The following MTPAP variants were observed in gnomAD, a reference collection of about 807,000 sequenced individuals.
MTPAP encodes mitochondrial poly(A) polymerase.
A neutral mutation model predicts 48.7 loss-of-function variants in MTPAP; 23 were observed. That is an observed-to-expected ratio of 0.47 (90% CI 0.34 to 0.67). MTPAP has a LOEUF of 0.67. MTPAP is among the 30% of genes least tolerant of loss of function. MTPAP has a pLI of 0.01. For synonymous variants in MTPAP, 257 were observed against 254.1 expected (o/e 1.01, Z -0.11); for missense variants, 614 against 694.3 (o/e 0.88, Z 1.30).
chr10:30,334,843 G>A (rs906856485), intron 4 of MTPAP, among the ~76,000 whole-genome samples: 1 of 152,026 alleles, frequency 6.6e-6, no homozygotes, highest in Admixed American at 6.5e-5. Flanking sequence ...AAAGACTGAA[G>A]GTTAAAATAT....
At chr10:30,338,849 T>C (rs555044819) in intron 3 of MTPAP, among the ~76,000 whole-genome samples, 12 of 151,230 alleles carry the variant, frequency 7.9e-5, no homozygotes, top group South Asian at 2.1e-4. Context: ...ACAGGCCAGG[T>C]GCAGTGGCTC....
chr10:30,340,014 C>T lies in MTPAP; in HGVS notation c.555+212G>A, dbSNP rs927012309. On this transcript the variant is annotated intron_variant, in intron 3 of 8. Transcript: ENST00000263063. ...CATCTACTCAATGTGTTGAGCATGA[C>T]GACATTCTTAGAAAGCTAGAAATAG... 21 of 579,418 alleles carry T rather than the reference C, an allele frequency of 3.6e-5. 1 individual carries two copies. The highest frequency in any genetic ancestry group is 4.7e-4 in the Middle Eastern group (1 of 2,148). The allele number at this position is 579,418 out of a possible 1,614,324, so 35.9% of individuals were successfully genotyped here. A position where few individuals can be genotyped will look rare whatever the true frequency, so the allele number is the denominator to read the frequency against.
intron 1 of MTPAP, among the ~76,000 whole-genome samples, chr10:30,347,620 G>C (rs1056796493): frequency 4.6e-5 from 7 of 152,176 alleles, no homozygotes; most frequent in African/African-American, 1.7e-4. Context: ...GGCTGGGCGC[G>C]GTGGCTCACG....
Position 30,341,393 on chromosome 10 carries a change from G to A in MTPAP, c.330+75C>T. ...ACCTACCATATTGCAAAAAGCAACA[G>A]CAAAAAACAACTAATGGAGACCTCC... On this transcript the variant is annotated intron_variant, in intron 2 of 8. Coordinates refer to ENST00000263063, the MANE Select transcript of MTPAP (RefSeq NM_018109.4). The A allele has an allele frequency of 3.3e-6, 5 of 1,533,180 alleles. No individual in the cohort carries two copies. The South Asian group carries it at 6.2e-5, about 19-fold the overall frequency. The allele number at this position is 1,533,180 out of a possible 1,614,324, so 95.0% of individuals were successfully genotyped here.
chr10:30,331,919 T>C (rs1043586868), intron 4 of MTPAP, among the ~76,000 whole-genome samples: 1 of 152,220 alleles, frequency 6.6e-6, no homozygotes, highest in African/African-American at 2.4e-5. Context: ...CTATCGTGCA[T>C]GGGATATCAT....
chr10:30,330,533 A>G (rs11007990), intron 4 of MTPAP, among the ~76,000 whole-genome samples: 62,028 of 152,078 alleles, frequency 0.41, 15,653 homozygotes, highest in Middle Eastern at 0.56. Flanking sequence ...TAAATGAGAG[A>G]ATAAAATCCT....
chr10:30,327,431 G>A lies in MTPAP; in HGVS notation c.781-796C>T, dbSNP rs753748194. ...GGAGAATTACTTGAACCCAGGAGAT[G>A]GAGGTTGCAGTGAGCCAAGATCACA... On this transcript the variant is annotated intron_variant, in intron 4 of 8. Transcript: ENST00000263063. Among the ~76,000 whole-genome samples, 101 of 151,668 alleles carry A rather than the reference G, an allele frequency of 6.7e-4. 1 individual carries two copies. The highest frequency in any genetic ancestry group is 1.3e-3 in the Non-Finnish European group (86 of 67,906).
At chr10:30,330,364 A>T (rs771694445) in intron 4 of MTPAP, among the ~76,000 whole-genome samples, 3 of 152,216 alleles carry the variant, frequency 2.0e-5, no homozygotes, top group Non-Finnish European at 4.4e-5. Context: ...AAGCAAAGAC[A>T]GATTGGGGGT....
In MTPAP at chr10:30,349,198, G is replaced by A; in HGVS notation, c.78C>T (p.Ile26=). The change falls in exon 1 of 9, where the codon ATC becomes ATT. Residue 26 remains isoleucine, a synonymous_variant. Transcript: ENST00000263063. ...TTCCTGGGCAACTCAAAAGCCTGAC[G>A]ATAGGCCGCTGGACTCGAGTTCTTC... ...ARRRTRVQRP[I]VRLLSCPGTV... 6.2e-7 allele frequency: 1 copy of A among 1,606,778 alleles called. No individual in the cohort carries two copies.
chr10:30,345,808 A>C (rs1834867140), intron 1 of MTPAP, among the ~76,000 whole-genome samples: 2 of 152,170 alleles, frequency 1.3e-5, no homozygotes, highest in Non-Finnish European at 2.9e-5. Flanking sequence ...GCACTTTGGG[A>C]GGTCAGGGAG....
intron 4 of MTPAP, among the ~76,000 whole-genome samples, chr10:30,331,085 A>C (rs1341407088): frequency 6.6e-6 from 1 of 152,246 alleles, no homozygotes; most frequent in East Asian, 1.9e-4. Flanking sequence ...TCAGTACAGA[A>C]ATAAAACACT....
rs1359306849 is a variant in MTPAP, at chr10:30,312,993, TTTAA to T, written c.*612_*615del. 6.5e-6 allele frequency: 1 copy of T among 153,604 alleles called. No individual in the cohort carries two copies. Among genetic ancestry groups the T allele is most frequent in the Non-Finnish European group, 1.4e-5 (1 of 69,046 alleles). The allele number at this position is 153,604 out of a possible 1,614,324, so 9.5% of individuals were successfully genotyped here. ...TTTTTTGATATCAGTACCAACCCACTTTAATTTATATGTGAATAAGAGAACTTCG... is the reference window on the plus strand; with the variant it reads ...TTTTTTGATATCAGTACCAACCCACTTTTATATGTGAATAAGAGAACTTCG... On this transcript the variant is annotated 3_prime_UTR_variant, in exon 9 of 9. Transcript: ENST00000263063.
intron 4 of MTPAP, among the ~76,000 whole-genome samples, chr10:30,329,773 A>C (rs1030160460): frequency 6.7e-6 from 1 of 149,376 alleles, no homozygotes; most frequent in Non-Finnish European, 1.5e-5. Flanking sequence ...TGAAAGAGGG[A>C]AAAAAAAAAG....
rs931793562 is a variant in MTPAP at position 30,309,951 on chromosome 10, A to G, written c.*3658T>C. The G allele has an allele frequency of 2.0e-5, 3 of 152,208 alleles. No individual in the cohort carries two copies. Among genetic ancestry groups the G allele is most frequent in the Non-Finnish European group, 4.4e-5 (3 of 68,030 alleles). The allele number at this position is 152,208 out of a possible 1,614,324, so 9.4% of individuals were successfully genotyped here. ...ATTCTCAAATTTTCTAAAGATGGAT[A>G]ATAGCTCCAGGAATTATACTAGTGG... On this transcript the variant is annotated 3_prime_UTR_variant, in exon 9 of 9. Transcript: ENST00000263063.
intron 1 of MTPAP, 126 bp downstream of exon 1, chr10:30,348,993 A>G (rs377180722): frequency 7.3e-7 from 1 of 1,378,684 alleles, no homozygotes; most frequent in Non-Finnish European, 1.0e-6. Context: ...AGAGGAGAGG[A>G]CAGGACACAG....
In MTPAP at chr10:30,313,614, T is replaced by A. The variant is rs1405830009; in HGVS notation, c.1744A>T (p.Thr582Ser). 6.2e-7 allele frequency: 1 copy of A among 1,614,254 alleles called. No homozygotes were observed. Among genetic ancestry groups the A allele is most frequent in the Admixed American group, 1.7e-5 (1 of 60,032 alleles). ...TTTACACAATGTAGCAGCCATCATG[T>A]CTGAGTACTAATTGTTCTCTTCCCA... Reference protein sequence around the residue: ...TSGKRTISTQT With the variant: ...TSGKRTISTQS The change falls in exon 9 of 9, where the codon ACA becomes TCA. Residue 582 changes from threonine (T) to serine (S), a missense_variant. By Grantham distance (58) the Thr-to-Ser change is moderately conservative (BLOSUM62 1). This residue lies in a region of MTPAP where 109 missense variants were observed against 100.5 expected (regional missense o/e 1.08). Transcript: ENST00000263063.
Position 30,313,553 on chromosome 10 carries a change from A to T in MTPAP, c.*56T>A, listed in dbSNP as rs915994428. 1 of 1,608,450 alleles carries T rather than the reference A, an allele frequency of 6.2e-7. No homozygotes were observed. The highest frequency in any genetic ancestry group is 1.7e-5 in the Admixed American group (1 of 59,922). On this transcript the variant is annotated 3_prime_UTR_variant, in exon 9 of 9. Transcript: ENST00000263063. ...AAGTTTCAAATCAGTTTTTCCAAGT[A>T]AGTCCACAGACCATTTGATAGGCTA...
intron 5 of MTPAP, among the ~76,000 whole-genome samples, chr10:30,323,478 T>G (rs1003703900): frequency 1.7e-5 from 2 of 118,608 alleles, no homozygotes; most frequent in South Asian, 2.8e-4. Context: ...AAAAAAGAAA[T>G]AAAGAAAATG....
At position 30,332,129 on chromosome 10, in the gene MTPAP, A is replaced by G. The variant is rs545229629; in HGVS notation, c.780+4674T>C. Among the ~76,000 whole-genome samples, 7 of 152,352 alleles carry G rather than the reference A, an allele frequency of 4.6e-5. No homozygotes were observed. The South Asian group carries it at 8.3e-4, about 18-fold the overall frequency. On this transcript the variant is annotated intron_variant, in intron 4 of 8. Transcript: ENST00000263063. ...AAGGTTTTATGAATCTGATGAATGTAAGAGTACTTGTATTTTTTATTGTAT... is the reference window on the plus strand; with the variant it reads ...AAGGTTTTATGAATCTGATGAATGTGAGAGTACTTGTATTTTTTATTGTAT...
Sources: allele counts gnomAD v4.1 joint callset (sites outside exome capture counted in the v4.1 genomes callset), GRCh38; gene constraint gnomAD v4.1.1; regional missense constraint gnomAD v4.1.1; transcripts MANE v1.5; gene names NCBI Gene and HGNC (gene_info 2026-07-23, HGNC 2026-07-21).